The following VDR variants were observed in gnomAD, a reference collection of about 807,000 sequenced individuals.
The protein encoded by VDR is vitamin D3 receptor.
VDR carries 19 observed loss-of-function variants against 39.7 expected under a neutral mutation model. The observed-to-expected ratio is 0.48, with a 90% CI of 0.33 to 0.70. VDR has a LOEUF of 0.70. Among genes scored for constraint, VDR ranks in the 30% least tolerant of loss-of-function variants. The pLI is 0.02. For synonymous variants in VDR, 242 were observed against 215.8 expected, an observed-to-expected ratio of 1.12 and a Z score of -1.07; for missense variants, 442 against 570.5, an observed-to-expected ratio of 0.77 and a Z score of 2.29.
chr12:47,904,808 C>A (rs1946639695), intron 1 of VDR, 147 bp downstream of exon 1: 4 of 564,140 alleles, frequency 7.1e-6, no homozygotes. Context: ...CCTCATGGCA[C>A]GACAGCCCGG....
intron 7 of VDR, among the ~76,000 whole-genome samples, chr12:47,849,482 C>T (rs898145459): frequency 2.0e-5 from 3 of 152,226 alleles, no homozygotes; most frequent in African/African-American, 2.4e-5. Context: ...ATAGTACACT[C>T]ATTTGTGGTT....
intron 6 of VDR, 125 bp downstream of exon 6, chr12:47,857,004 A>ACAGT: frequency 6.9e-7 from 1 of 1,458,996 alleles, no homozygotes; most frequent in South Asian, 1.2e-5. Flanking sequence ...TGCATAGCGC[A>ACAGT]CAGTATTTAT....
intron 1 of VDR, among the ~76,000 whole-genome samples, chr12:47,890,199 C>T (rs1009968113): frequency 1.4e-4 from 21 of 151,914 alleles, no homozygotes; most frequent in African/African-American, 5.1e-4. Flanking sequence ...GCAGGAAGCA[C>T]TCCTGCTCCT....
intron 3 of VDR, among the ~76,000 whole-genome samples, chr12:47,875,644 C>T (rs988097757): frequency 3.9e-5 from 6 of 152,148 alleles, no homozygotes; most frequent in African/African-American, 1.4e-4. Context: ...GTATGTATAG[C>T]TGATTCTCAT....
chr12:47,855,577 A>G, intron 7 of VDR, 53 bp downstream of exon 7: 1 of 1,602,652 alleles, frequency 6.2e-7, no homozygotes, highest in South Asian at 1.1e-5. Context: ...CCCTTCTTGT[A>G]GCTCAGTCTA....
intron 3 of VDR, among the ~76,000 whole-genome samples, chr12:47,869,026 T>A (rs1224971952): frequency 6.6e-6 from 1 of 152,238 alleles, no homozygotes; most frequent in African/African-American, 2.4e-5. Context: ...CCGTCTGTCC[T>A]TCCCCAGGCT....
At chr12:47,860,125 G>A (rs1945597389) in intron 4 of VDR, among the ~76,000 whole-genome samples, 1 of 151,874 alleles carries the variant, frequency 6.6e-6, no homozygotes, top group Admixed American at 6.6e-5. Context: ...CACCATGCCT[G>A]GCCAATTTTT....
chr12:47,844,724 G>T lies in VDR; in HGVS notation c.*22C>A. 1 of 1,613,554 alleles carries T rather than the reference G, an allele frequency of 6.2e-7. No individual in the cohort carries two copies. The highest frequency in any genetic ancestry group is 8.5e-7 in the Non-Finnish European group (1 of 1,179,918). On this transcript the variant is annotated 3_prime_UTR_variant, in exon 10 of 10. Coordinates refer to ENST00000549336, the MANE Select transcript of VDR (RefSeq NM_000376.3). The stretch of plus-strand genomic sequence containing the variant: ...GCCCTGGAGGAGCAGCCCCACCCAG[G>T]CACCGCCACAGGCTGTCCTAGTCAG...
At chr12:47,859,843 T>C (rs1671891801) in intron 4 of VDR, among the ~76,000 whole-genome samples, 1 of 74,170 alleles carries the variant, frequency 1.3e-5, no homozygotes, top group South Asian at 5.1e-4. Context: ...TTCCTTTCCC[T>C]TCCTTCCTTC....
chr12:47,872,967 T>C (rs1945914249), intron 3 of VDR, among the ~76,000 whole-genome samples: 1 of 152,218 alleles, frequency 6.6e-6, no homozygotes. Flanking sequence ...TTAAATAACT[T>C]GCTTTAAGTC....
At position 47,878,820 on chromosome 12, in the gene VDR, A is replaced by G. The variant is rs1395939975; in HGVS notation, c.146+148T>C. 4 of 1,260,600 alleles carry G rather than the reference A, an allele frequency of 3.2e-6. No homozygotes were observed. In the Admixed American group the frequency reaches 7.8e-5, roughly 25 times the overall value. 78.1% of individuals were successfully genotyped at this position (1,260,600 alleles called of 1,614,324 possible). A position where few individuals can be genotyped will look rare whatever the true frequency, so the allele number is the denominator to read the frequency against. On this transcript the variant is annotated intron_variant, in intron 3 of 9. Transcript: ENST00000549336. ...GGAAAAGAAGATACCACTCACCAAGACCCTCCTGCTCCTGTGGCTGTGAGC... is the reference window on the plus strand; with the variant it reads ...GGAAAAGAAGATACCACTCACCAAGGCCCTCCTGCTCCTGTGGCTGTGAGC...
chr12:47,878,776 C>A (rs772032771), intron 3 of VDR, 192 bp downstream of exon 3: 3 of 880,200 alleles, frequency 3.4e-6, no homozygotes, highest in East Asian at 5.4e-5. Context: ...GTCAGAGGAA[C>A]ATCTGGAGCT....
chr12:47,869,624 C>T lies in VDR; in HGVS notation c.147-4447G>A, dbSNP rs143237409. Among the ~76,000 whole-genome samples, 543 of 148,806 alleles carry T rather than the reference C, an allele frequency of 3.6e-3. 4 individuals carry two copies. The highest frequency in any genetic ancestry group is 0.013 in the African/African-American group (507 of 40,440). ...AAAGTACTGGGACTGGGTGCAGTGG[C>T]GTGAGCACGCCTGTAAGCCCAGCAC... On this transcript the variant is annotated intron_variant, in intron 3 of 9. Coordinates refer to ENST00000549336, the MANE Select transcript of VDR (RefSeq NM_000376.3).
At chr12:47,873,364 T>TC (rs1945927477) in intron 3 of VDR, among the ~76,000 whole-genome samples, 1 of 120,658 alleles carries the variant, frequency 8.3e-6, no homozygotes, top group African/African-American at 2.9e-5. Context: ...TTTTTTTTTT[T>TC]TTTTTTTTTT....
intron 1 of VDR, among the ~76,000 whole-genome samples, chr12:47,893,256 G>A (rs1272817286): frequency 1.3e-5 from 2 of 152,186 alleles, no homozygotes; most frequent in Admixed American, 1.3e-4. Context: ...TGTGACAACA[G>A]GGCCTCTCTC....
chr12:47,898,635 G>A (rs1221173351), intron 1 of VDR: 2 of 154,498 alleles, frequency 1.3e-5, no homozygotes, highest in Non-Finnish European at 2.9e-5. Context: ...TCAGTGAGAG[G>A]AGGATATACA....
intron 1 of VDR, among the ~76,000 whole-genome samples, chr12:47,883,547 C>A (rs919956365): frequency 1.3e-5 from 2 of 152,204 alleles, no homozygotes; most frequent in African/African-American, 4.8e-5. Flanking sequence ...GAGGGATGGG[C>A]AGAATAGTAT....
intron 1 of VDR, among the ~76,000 whole-genome samples, chr12:47,883,299 A>G (rs894411518): frequency 6.6e-6 from 1 of 152,194 alleles, no homozygotes; most frequent in African/African-American, 2.4e-5. Flanking sequence ...GGCAGCCCAC[A>G]GCCTTGGCCT....
chr12:47,863,442 G>T (rs1008018006), intron 4 of VDR, among the ~76,000 whole-genome samples: 1 of 152,210 alleles, frequency 6.6e-6, no homozygotes, highest in Non-Finnish European at 1.5e-5. Flanking sequence ...GCCAGTCTTG[G>T]TTAGCTGGAG....
Sources: allele counts gnomAD v4.1 joint callset (sites outside exome capture counted in the v4.1 genomes callset), GRCh38; gene constraint gnomAD v4.1.1; transcripts MANE v1.5; gene names NCBI Gene and HGNC (gene_info 2026-07-23, HGNC 2026-07-21).